The following PRMT3 variants were observed in gnomAD, a reference collection of about 807,000 sequenced individuals.
PRMT3 encodes protein arginine methyltransferase 3, also known as protein arginine N-methyltransferase 3.
Under a neutral mutation model 71.9 loss-of-function variants are expected in PRMT3, and 62 were observed. The observed-to-expected ratio is 0.86, with a 90% CI of 0.70 to 1.07. The LOEUF (loss-of-function observed/expected upper bound fraction) is 1.07, where lower values mean the gene tolerates loss of function less well. Ranked by LOEUF, PRMT3 falls within the 50% of genes least tolerant of loss-of-function variation. The pLI is 0.00. For synonymous variants in PRMT3, 213 were observed against 220.4 expected, an observed-to-expected ratio of 0.97 and a Z score of 0.30; for missense variants, 663 against 643.0, an observed-to-expected ratio of 1.03 and a Z score of -0.34.
intron 9 of PRMT3, among the ~76,000 whole-genome samples, chr11:20,410,463 C>T (rs930384377): frequency 7.5e-5 from 11 of 145,888 alleles, no homozygotes; most frequent in African/African-American, 2.8e-4. Flanking sequence ...GAAACAATTT[C>T]TAAAAAAAAT....
intron 13 of PRMT3, among the ~76,000 whole-genome samples, chr11:20,473,010 C>G (rs1590090204): frequency 6.6e-6 from 1 of 152,052 alleles, no homozygotes; most frequent in East Asian, 1.9e-4. Flanking sequence ...TCCATTTCTT[C>G]TAGGTTTTCT....
intron 11 of PRMT3, among the ~76,000 whole-genome samples, chr11:20,453,023 A>C (rs145277155): frequency 1.2e-4 from 19 of 152,242 alleles, no homozygotes; most frequent in Non-Finnish European, 2.6e-4. Flanking sequence ...ACCTTTCTCA[A>C]AGCTTCAGAA....
chr11:20,392,253 G>C lies in PRMT3; in HGVS notation c.290G>C (p.Arg97Thr), dbSNP rs1848730642. The C allele has an allele frequency of 6.4e-7, 1 of 1,558,622 alleles. No individual in the cohort carries two copies. The highest frequency in any genetic ancestry group is 8.7e-7 in the Non-Finnish European group (1 of 1,145,372). The change falls in exon 4 of 16, where the codon AGA becomes ACA. Residue 97 changes from arginine (R) to threonine (T), a missense_variant. Transcript: ENST00000331079. ...TACATTAAGCTAATAAATTTTATTA[G>C]ACTTAAGGTAAGTTGACAGCTTAAT... ...YGYIKLINFIRLKNPTVEYMN... is the reference protein window; with the variant it reads ...YGYIKLINFITLKNPTVEYMN...
chr11:20,437,389 T>A (rs1293875992), intron 10 of PRMT3, among the ~76,000 whole-genome samples: 1 of 152,202 alleles, frequency 6.6e-6, no homozygotes, highest in East Asian at 1.9e-4. Context: ...GTGGAGCAGT[T>A]GCCTTTTCTA....
In PRMT3 at chr11:20,440,925, A is replaced by G. The variant is rs1214555724; in HGVS notation, c.994-11205A>G. 3.3e-5 allele frequency among the ~76,000 whole-genome samples: 5 copies of G among 152,258 alleles called. No homozygotes were observed. The East Asian group carries it at 9.6e-4, about 29-fold the overall frequency. On this transcript the variant is annotated intron_variant, in intron 10 of 15. Transcript: ENST00000331079. Reference sequence around the variant, plus strand: ...TTTTAATATTGATAAAGTCTAATTTATCAATTATTTTTATAGATCATGCCT... The same window carrying G: ...TTTTAATATTGATAAAGTCTAATTTGTCAATTATTTTTATAGATCATGCCT...
intron 5 of PRMT3, among the ~76,000 whole-genome samples, chr11:20,394,519 A>G (rs558475374): frequency 1.4e-4 from 22 of 152,196 alleles, no homozygotes; most frequent in African/African-American, 5.3e-4. Flanking sequence ...CAATGTGATG[A>G]TTTGATATGC....
In PRMT3 at chr11:20,395,842, C is replaced by T. The variant is rs201183615; in HGVS notation, c.440C>T (p.Ser147Leu). 7.4e-6 allele frequency: 12 copies of T among 1,613,904 alleles called. No homozygotes were observed. Among genetic ancestry groups the T allele is most frequent in the Non-Finnish European group, 1.0e-5 (12 of 1,179,886 alleles). ...TATGAACCGGTGTCAGTACCCTTCT[C>T]ATACCCCAATGGACTCAGTGAAAAT... ...DLYEPVSVPF[S>L]YPNGLSENTS... is the part of the protein sequence containing the mutation. The change falls in exon 6 of 16, where the codon TCA becomes TTA. Residue 147 changes from serine (S) to leucine (L), a missense_variant. Coordinates refer to ENST00000331079, the MANE Select transcript of PRMT3 (RefSeq NM_005788.4).
intron 13 of PRMT3, among the ~76,000 whole-genome samples, chr11:20,468,192 G>A (rs1590086659): frequency 6.6e-6 from 1 of 152,294 alleles, no homozygotes. Context: ...ATAGAGGGAA[G>A]AAGAAAGTAT....
At chr11:20,508,094 G>T (rs1851636195) in intron 15 of PRMT3, among the ~76,000 whole-genome samples, 2 of 147,532 alleles carry the variant, frequency 1.4e-5, no homozygotes, top group Non-Finnish European at 3.0e-5. Context: ...AGAATGCAGT[G>T]AGCTGAGATC....
intron 10 of PRMT3, among the ~76,000 whole-genome samples, chr11:20,436,804 G>A (rs901295786): frequency 6.6e-6 from 1 of 151,954 alleles, no homozygotes; most frequent in African/African-American, 2.4e-5. Context: ...CTCATAGAAT[G>A]AGTTTGGAAG....
intron 15 of PRMT3, among the ~76,000 whole-genome samples, chr11:20,498,547 G>T (rs950405342): frequency 2.6e-5 from 4 of 152,034 alleles, no homozygotes; most frequent in African/African-American, 9.7e-5. Context: ...TGGGCAACAT[G>T]GCGAAATCCC....
At chr11:20,487,700 A>G (rs1851109474) in intron 13 of PRMT3, among the ~76,000 whole-genome samples, 1 of 152,188 alleles carries the variant, frequency 6.6e-6, no homozygotes, top group Non-Finnish European at 1.5e-5. Context: ...AAATCAGTAA[A>G]TTTCAATGAA....
At chr11:20,415,232 A>G (rs536083638) in intron 9 of PRMT3, among the ~76,000 whole-genome samples, 14 of 152,284 alleles carry the variant, frequency 9.2e-5, no homozygotes, top group African/African-American at 3.4e-4. Context: ...TTCAAAAGCC[A>G]TAAAACTCTG....
At chr11:20,426,418 TC>T (rs1394473970) in intron 9 of PRMT3, among the ~76,000 whole-genome samples, 2 of 152,222 alleles carry the variant, frequency 1.3e-5, no homozygotes, top group Admixed American at 6.5e-5. Context: ...ACACAACACT[TC>T]CCTTTAAACC....
chr11:20,438,826 T>C (rs1311038306), intron 10 of PRMT3, among the ~76,000 whole-genome samples: 1 of 152,168 alleles, frequency 6.6e-6, no homozygotes, highest in Non-Finnish European at 1.5e-5. Context: ...TCAACCCTGA[T>C]GGCAGAGGGG....
At chr11:20,399,048 T>G (rs902676797) in intron 7 of PRMT3, among the ~76,000 whole-genome samples, 20 of 152,212 alleles carry the variant, frequency 1.3e-4, no homozygotes, top group African/African-American at 4.6e-4. Context: ...TAATTTTTAG[T>G]TCAGTGAAAT....
At position 20,493,909 on chromosome 11, in the gene PRMT3, T is replaced by TA. The variant is rs766730266; in HGVS notation, c.1348-4dup. On this transcript the variant is annotated splice_polypyrimidine_tract_variant and intron_variant, in intron 13 of 15. Transcript: ENST00000331079. ...TAGTAAGCATTTATATTTCTTTTTT[T>TA]AAAAAACAGGCAATTGCTGGCTACT... The TA allele has an allele frequency of 5.1e-6, 8 of 1,561,164 alleles. No individual in the cohort carries two copies. In the South Asian group the frequency reaches 6.9e-5, roughly 13 times the overall value.
intron 10 of PRMT3, among the ~76,000 whole-genome samples, chr11:20,443,153 T>C (rs955032610): frequency 2.6e-5 from 4 of 152,232 alleles, no homozygotes; most frequent in Admixed American, 2.6e-4. Flanking sequence ...TTTTAAATTA[T>C]TGACTTTAGG....
Position 20,387,929 on chromosome 11 carries a change from G to A in PRMT3, c.29-90G>A, listed in dbSNP as rs1196568320. 3 of 1,594,826 alleles carry A rather than the reference G, an allele frequency of 1.9e-6. No individual in the cohort carries two copies. The South Asian group carries it at 3.4e-5, about 18-fold the overall frequency. The stretch of plus-strand genomic sequence containing the variant: ...CTGAGTGAGGGCCGCGGGCGAACGG[G>A]GCGGAGGAGAGCCCATCGTCACCTG... On this transcript the variant is annotated intron_variant, in intron 1 of 15. Transcript: ENST00000331079. This position sits in a 1 kb window ranked among gnomAD's most constrained non-coding sequence, Gnocchi z 4.3.
Sources: gnomAD v4.1 joint callset for allele counts (sites outside exome capture counted in the v4.1 genomes callset) on GRCh38, gnomAD v4.1.1 for gene constraint, Gnocchi (gnomAD v3.1) non-coding constraint, MANE v1.5 for transcripts, NCBI Gene and HGNC (gene_info 2026-07-23, HGNC 2026-07-21) for gene names.